NPAS2: variants seen among roughly 807,000 people sequenced by gnomAD.
The protein encoded by NPAS2 is neuronal PAS domain protein 2, also known as neuronal PAS domain-containing protein 2.
NPAS2 carries 23 observed loss-of-function variants against 107.5 expected under a neutral mutation model. The observed-to-expected ratio is 0.21, with a 90% CI of 0.15 to 0.30. The LOEUF is 0.30. NPAS2 is among the 10% of genes least tolerant of loss of function. The pLI, the probability that NPAS2 is intolerant of heterozygous loss-of-function variation, is 1.00. For missense variants in NPAS2, 756 were observed against 1,043.3 expected (o/e 0.72, Z 3.79); for synonymous variants, 403 against 417.5 (o/e 0.97, Z 0.42).
intron 1 of NPAS2, among the ~76,000 whole-genome samples, chr2:100,874,643 G>A (rs1679840142): frequency 6.6e-6 from 1 of 152,082 alleles, no homozygotes; most frequent in African/African-American, 2.4e-5. Flanking sequence ...TCAGGAGGCT[G>A]GGGCAGGAGA....
upstream of NPAS2, among the ~76,000 whole-genome samples, chr2:100,819,412 C>T (rs1675913929): frequency 6.6e-6 from 1 of 152,198 alleles, no homozygotes; most frequent in African/African-American, 2.4e-5. This position sits in a 1 kb window ranked among gnomAD's most constrained non-coding sequence, Gnocchi z 5.8. Context: ...TATTCCTCCC[C>T]AGCAGTCGCT....
At chr2:100,922,628 C>T (rs1197671789) in intron 2 of NPAS2, among the ~76,000 whole-genome samples, 1 of 152,110 alleles carries the variant, frequency 6.6e-6, no homozygotes, top group Non-Finnish European at 1.5e-5. Context: ...GTTGGAGTGT[C>T]TTTCAAAACC....
chr2:100,922,380 G>A (rs190692450), intron 2 of NPAS2, among the ~76,000 whole-genome samples: 515 of 152,160 alleles, frequency 3.4e-3, no homozygotes, highest in Non-Finnish European at 6.4e-3. Context: ...TCAGGAGTTC[G>A]AGACCAGCCT....
chr2:100,908,192 C>T (rs1324623298), intron 2 of NPAS2, among the ~76,000 whole-genome samples: 1 of 152,148 alleles, frequency 6.6e-6, no homozygotes, highest in Admixed American at 6.5e-5. Flanking sequence ...TCAGTTTCTT[C>T]TTCTGTCAAG....
At chr2:100,929,306 G>A (rs1269087884) in intron 3 of NPAS2, among the ~76,000 whole-genome samples, 2 of 152,162 alleles carry the variant, frequency 1.3e-5, no homozygotes, top group Non-Finnish European at 2.9e-5. Flanking sequence ...TCTAAGCCCA[G>A]CAGCCTGTCT....
rs1683479934 is a variant in NPAS2 at position 100,925,177 on chromosome 2, C to T, written c.64C>T (p.Arg22Trp). 1.9e-6 allele frequency: 3 copies of T among 1,613,838 alleles called. No homozygotes were observed. The highest frequency in any genetic ancestry group is 2.5e-6 in the Non-Finnish European group (3 of 1,179,766). ...ASRNKSEKKR[R>W]DQFNVLIKEL... ...TCGAAACAAGTCTGAGAAGAAGCGT[C>T]GGGACCAGTTCAATGTTCTCATCAA... Residue 22 changes from arginine (R) to tryptophan (W), a missense_variant, in exon 3 of 21, where the codon CGG becomes TGG. Arg to Trp is a moderately radical substitution (Grantham distance 101). Coordinates refer to ENST00000335681, the MANE Select transcript of NPAS2 (RefSeq NM_002518.4).
In NPAS2 at chr2:100,871,519, C is replaced by A. The variant is rs185154405; in HGVS notation, c.-22-33214C>A. ...CTAATTTTTGTATTTTTGGTAGAGA[C>A]AAGGTTTCTCCGTGTTGGCCAGGTT... On this transcript the variant is annotated intron_variant, in intron 1 of 20. Coordinates refer to ENST00000335681, the MANE Select transcript of NPAS2 (RefSeq NM_002518.4). Among the ~76,000 whole-genome samples, 348 of 152,018 alleles carry A rather than the reference C, an allele frequency of 2.3e-3. 1 individual carries two copies. The highest frequency in any genetic ancestry group is 3.8e-3 in the Non-Finnish European group (256 of 67,974).
At chr2:100,908,117 C>T (rs1682287696) in intron 2 of NPAS2, among the ~76,000 whole-genome samples, 1 of 152,122 alleles carries the variant, frequency 6.6e-6, no homozygotes, top group Non-Finnish European at 1.5e-5. Context: ...TCAGACAGGC[C>T]TGGCTTTGAT....
intron 1 of NPAS2, among the ~76,000 whole-genome samples, chr2:100,864,752 TG>T (rs1679155034): frequency 6.6e-6 from 1 of 152,234 alleles, no homozygotes; most frequent in Non-Finnish European, 1.5e-5. Context: ...CCAAACTTGT[TG>T]ATTTCAGGCT....
chr2:100,889,953 G>C (rs569715868), intron 1 of NPAS2, among the ~76,000 whole-genome samples: 2 of 151,820 alleles, frequency 1.3e-5, no homozygotes, highest in African/African-American at 4.8e-5. Flanking sequence ...CGTGGGGTGG[G>C]CATGTTCGGG....
chr2:100,855,366 A>G lies in NPAS2; in HGVS notation c.-23+34952A>G, dbSNP rs115988379. Among the ~76,000 whole-genome samples the G allele has an allele frequency of 8.8e-3, 1,341 of 152,276 alleles. 16 individuals are homozygous for G. Among genetic ancestry groups the G allele is most frequent in the African/African-American group, 0.031 (1,289 of 41,554 alleles). On this transcript the variant is annotated intron_variant, in intron 1 of 20. Coordinates refer to ENST00000335681, the MANE Select transcript of NPAS2 (RefSeq NM_002518.4). ...CTTAGCCTGTCTCACGAAGGCCTCG[A>G]CCGCGGGTAGAGCTGGAACCACCTG...
intron 13 of NPAS2, 131 bp downstream of exon 13, chr2:100,975,075 ACTC>A (rs3217562): frequency 0.09 from 82,308 of 919,320 alleles, 6,881 homozygotes; most frequent in East Asian, 0.35. Flanking sequence ...TGCAGTTTAT[ACTC>A]CTCCTTTCCT....
intron 5 of NPAS2, 63 bp from the exon 6 acceptor site, chr2:100,948,172 G>A (rs1675017001): frequency 1.3e-6 from 2 of 1,583,490 alleles, no homozygotes; most frequent in African/African-American, 1.4e-5. Flanking sequence ...TTCAATTTTT[G>A]TTTTTGCTTC....
At chr2:100,821,462 C>T (rs1676065469) in intron 1 of NPAS2, among the ~76,000 whole-genome samples, 1 of 152,112 alleles carries the variant, frequency 6.6e-6, no homozygotes, top group African/African-American at 2.4e-5. Context: ...GCCTGTTTTC[C>T]TACAGGTAAA....
At chr2:100,932,121 G>T (rs551812425) in intron 3 of NPAS2, among the ~76,000 whole-genome samples, 28 of 152,314 alleles carry the variant, frequency 1.8e-4, no homozygotes, top group Admixed American at 1.6e-3. Flanking sequence ...TAAGATGGAG[G>T]ATAAACTGAA....
At chr2:100,897,316 TC>T (rs1681476049) in intron 1 of NPAS2, among the ~76,000 whole-genome samples, 1 of 152,212 alleles carries the variant, frequency 6.6e-6, no homozygotes, top group African/African-American at 2.4e-5. Flanking sequence ...ATTTGCCTAA[TC>T]CTTGCCATCA....
intron 1 of NPAS2, among the ~76,000 whole-genome samples, chr2:100,830,572 G>A (rs952220794): frequency 6.6e-6 from 1 of 151,562 alleles, no homozygotes; most frequent in South Asian, 2.1e-4. Flanking sequence ...AACATGCGGT[G>A]TTTGGTTTTC....
At chr2:100,923,628 G>A (rs1361974724) in intron 2 of NPAS2, among the ~76,000 whole-genome samples, 1 of 152,144 alleles carries the variant, frequency 6.6e-6, no homozygotes, top group Non-Finnish European at 1.5e-5. Flanking sequence ...TTGCTCCCCT[G>A]AGAACCATGA....
At chr2:100,890,375 G>A (rs963439169) in intron 1 of NPAS2, among the ~76,000 whole-genome samples, 3 of 152,100 alleles carry the variant, frequency 2.0e-5, no homozygotes, top group East Asian at 1.9e-4. Context: ...ACTTAGTAAC[G>A]TTGATCTCCT....
Sources: gnomAD v4.1 joint callset for allele counts (sites outside exome capture counted in the v4.1 genomes callset) on GRCh38, gnomAD v4.1.1 for gene constraint, Gnocchi (gnomAD v3.1) non-coding constraint, MANE v1.5 for transcripts, NCBI Gene and HGNC (gene_info 2026-07-23, HGNC 2026-07-21) for gene names.